The following NAALADL2 variants were observed in gnomAD, a reference collection of about 807,000 sequenced individuals.
The protein encoded by NAALADL2 is N-acetylated alpha-linked acidic dipeptidase like 2.
In NAALADL2, 76 loss-of-function variants were observed where a neutral mutation model predicts 87.2. The ratio of observed to expected loss-of-function variants is 0.87; its 90% CI spans 0.72 to 1.05. The LOEUF is 1.05. Among genes scored for constraint, NAALADL2 ranks in the 50% least tolerant of loss-of-function variants. NAALADL2 has a pLI of 0.00. For synonymous variants in NAALADL2, 354 were observed against 331.0 expected (o/e 1.07, Z -0.75); for missense variants, 1,089 against 945.8 (o/e 1.15, Z -1.99).
chr3:175,471,811 T>G, intron 9 of NAALADL2, 53 bp downstream of exon 9: 1 of 1,454,450 alleles, frequency 6.9e-7, no homozygotes, highest in Non-Finnish European at 9.3e-7. Context: ...ACCTTTTCTC[T>G]ATATTTTGAC....
At position 175,094,526 on chromosome 3, in the gene NAALADL2, G is replaced by A. The variant is rs185652930; in HGVS notation, c.44-2264G>A. On this transcript the variant is annotated intron_variant, in intron 1 of 13. Coordinates refer to ENST00000454872, the MANE Select transcript of NAALADL2 (RefSeq NM_207015.3). Reference sequence around the variant, plus strand: ...ACCTATCTGAATAGCTATCATTAACGTCATACGTTACTTCCTTTCTCTGCT... The same window carrying A: ...ACCTATCTGAATAGCTATCATTAACATCATACGTTACTTCCTTTCTCTGCT... 4.0e-3 allele frequency among the ~76,000 whole-genome samples: 611 copies of A among 151,700 alleles called. 13 individuals are homozygous for A. Among genetic ancestry groups the A allele is most frequent in the Non-Finnish European group, 3.1e-3 (208 of 67,896 alleles).
chr3:175,272,691 AG>A (rs1253830985), intron 4 of NAALADL2, among the ~76,000 whole-genome samples: 2 of 152,150 alleles, frequency 1.3e-5, no homozygotes. Flanking sequence ...TTTTTAATGT[AG>A]ACAATAAATT....
At chr3:174,781,196 T>C (rs150406198) in intron 3 of NAALADL2, among the ~76,000 whole-genome samples, 1,573 of 152,198 alleles carry the variant, frequency 0.01, 33 homozygotes, top group African/African-American at 0.036. Context: ...CCTTTCTCTC[T>C]GGCTGCCATT....
At chr3:175,238,197 T>C (rs1746237971) in intron 3 of NAALADL2, among the ~76,000 whole-genome samples, 1 of 152,120 alleles carries the variant, frequency 6.6e-6, no homozygotes, top group South Asian at 2.1e-4. Flanking sequence ...TCTGGAGTTA[T>C]CCAAATATGC....
intron 2 of NAALADL2, among the ~76,000 whole-genome samples, chr3:174,625,058 T>TC (rs11282183): frequency 4.1e-3 from 93 of 22,464 alleles, no homozygotes; most frequent in African/African-American, 0.031. Flanking sequence ...TCTCTCTCTC[T>TC]TTTTTTTTTT....
At chr3:175,053,214 T>C (rs1018479962) in intron 1 of NAALADL2, among the ~76,000 whole-genome samples, 1 of 152,234 alleles carries the variant, frequency 6.6e-6, no homozygotes, top group Non-Finnish European at 1.5e-5. Flanking sequence ...CCAGGCATTA[T>C]TGCCAGCCAA....
chr3:175,468,619 G>C (rs920140976), intron 8 of NAALADL2, among the ~76,000 whole-genome samples: 31 of 151,656 alleles, frequency 2.0e-4, no homozygotes, highest in African/African-American at 7.3e-4. Context: ...CTATATTTTA[G>C]GTCTTCTAGA....
chr3:174,931,652 G>A (rs550862653), intron 1 of NAALADL2, among the ~76,000 whole-genome samples: 1 of 152,244 alleles, frequency 6.6e-6, no homozygotes, highest in South Asian at 2.1e-4. Context: ...ATCTCTTCAA[G>A]GGTAGATAAG....
chr3:175,123,963 T>G (rs1490113200), intron 2 of NAALADL2, among the ~76,000 whole-genome samples: 1 of 151,760 alleles, frequency 6.6e-6, no homozygotes, highest in East Asian at 1.9e-4. Context: ...AAAGGGATAG[T>G]TTTTTTCCTC....
chr3:175,111,953 T>G (rs886757562), intron 2 of NAALADL2, among the ~76,000 whole-genome samples: 3 of 151,638 alleles, frequency 2.0e-5, no homozygotes, highest in African/African-American at 7.3e-5. Flanking sequence ...ATCCAGCTAA[T>G]GTAGTGGATG....
At chr3:175,132,614 C>G (rs1185157098) in intron 2 of NAALADL2, among the ~76,000 whole-genome samples, 1 of 116,152 alleles carries the variant, frequency 8.6e-6, no homozygotes, top group Non-Finnish European at 1.8e-5. Context: ...AGGGGGCTGA[C>G]CCCCCCACCT....
chr3:175,290,073 A>G (rs1045079117), intron 4 of NAALADL2, among the ~76,000 whole-genome samples: 3 of 152,222 alleles, frequency 2.0e-5, no homozygotes, highest in Non-Finnish European at 2.9e-5. Context: ...CTGTGTGATA[A>G]GAATGCAAGC....
chr3:174,714,165 T>C (rs979827751), intron 2 of NAALADL2, among the ~76,000 whole-genome samples: 1 of 152,178 alleles, frequency 6.6e-6, no homozygotes, highest in Non-Finnish European at 1.5e-5. Flanking sequence ...TCTATATCTC[T>C]ATTTTGGTAC....
intron 3 of NAALADL2, among the ~76,000 whole-genome samples, chr3:174,787,605 A>ATG (rs1553855454): frequency 1.1e-5 from 1 of 89,248 alleles, no homozygotes; most frequent in Non-Finnish European, 2.4e-5. Context: ...ATATATATAT[A>ATG]TATATATATA....
At chr3:175,343,928 A>C (rs2148849708) in intron 5 of NAALADL2, among the ~76,000 whole-genome samples, 1 of 151,754 alleles carries the variant, frequency 6.6e-6, no homozygotes, top group African/African-American at 2.4e-5. Context: ...AAGCAACTAA[A>C]CCAGTCTTCT....
chr3:175,053,436 T>TGAC (rs1484226544), intron 1 of NAALADL2, among the ~76,000 whole-genome samples: 2 of 152,144 alleles, frequency 1.3e-5, no homozygotes, highest in African/African-American at 4.8e-5. Flanking sequence ...GTGTTGCTTG[T>TGAC]GACAGTTGGG....
chr3:175,302,842 G>A (rs1228909263), intron 4 of NAALADL2, among the ~76,000 whole-genome samples: 1 of 143,648 alleles, frequency 7.0e-6, no homozygotes, highest in Non-Finnish European at 1.5e-5. Flanking sequence ...GTATATATGT[G>A]TGTGTATGTG....
intron 2 of NAALADL2, among the ~76,000 whole-genome samples, chr3:174,665,497 T>C (rs541761479): frequency 6.6e-6 from 1 of 152,306 alleles, no homozygotes; most frequent in Non-Finnish European, 1.5e-5. Context: ...ATTGTATTTA[T>C]TCTTCATAAT....
chr3:175,368,205 C>G (rs750490994), intron 5 of NAALADL2, among the ~76,000 whole-genome samples: 65 of 152,112 alleles, frequency 4.3e-4, no homozygotes, highest in Middle Eastern at 3.2e-3. Context: ...AGGGATGAAG[C>G]CCACTTGATC....
Sources: allele counts gnomAD v4.1 joint callset (sites outside exome capture counted in the v4.1 genomes callset), GRCh38; gene constraint gnomAD v4.1.1; transcripts MANE v1.5; gene names NCBI Gene and HGNC (gene_info 2026-07-23, HGNC 2026-07-21).